The following ITK variants were observed in gnomAD, a reference collection of about 807,000 sequenced individuals.
ITK encodes tyrosine-protein kinase ITK/TSK.
A neutral mutation model predicts 87.6 loss-of-function variants in ITK; 45 were observed. That is an observed-to-expected ratio of 0.51 (90% CI 0.40 to 0.66). ITK has a LOEUF of 0.66. Ranked by LOEUF, ITK falls within the 30% of genes least tolerant of loss-of-function variation. ITK has a pLI of 0.00. For missense variants in ITK, 605 were observed against 766.3 expected, an observed-to-expected ratio of 0.79 and a Z score of 2.48; for synonymous variants, 303 against 273.6, an observed-to-expected ratio of 1.11 and a Z score of -1.06.
chr5:157,182,451 C>T (rs144177396), intron 1 of ITK, among the ~76,000 whole-genome samples: 59 of 152,228 alleles, frequency 3.9e-4, no homozygotes, highest in African/African-American at 1.4e-3. Context: ...AAAAAAGTTG[C>T]AGGCGAAATA....
At chr5:157,197,209 A>G (rs967371146) in intron 1 of ITK, among the ~76,000 whole-genome samples, 3 of 152,230 alleles carry the variant, frequency 2.0e-5, no homozygotes, top group Non-Finnish European at 4.4e-5. Flanking sequence ...CAAGAAGAAC[A>G]TGAGAGAGAC....
chr5:157,194,274 T>C (rs1203512980), intron 1 of ITK, among the ~76,000 whole-genome samples: 1 of 152,180 alleles, frequency 6.6e-6, no homozygotes, highest in Non-Finnish European at 1.5e-5. Flanking sequence ...TTGCAGAGTG[T>C]GTTTCCATTC....
At chr5:157,225,138 G>A (rs141794195) in intron 6 of ITK, among the ~76,000 whole-genome samples, 76 of 152,098 alleles carry the variant, frequency 5.0e-4, no homozygotes, top group African/African-American at 1.8e-3. Context: ...GAGACTATAG[G>A]CACGCACCAC....
intron 1 of ITK, among the ~76,000 whole-genome samples, chr5:157,204,549 A>T (rs1324248243): frequency 6.6e-6 from 1 of 152,124 alleles, no homozygotes; most frequent in African/African-American, 2.4e-5. Flanking sequence ...AATACAAAAA[A>T]TTAGCTGGGC....
intron 8 of ITK, among the ~76,000 whole-genome samples, chr5:157,234,371 T>A (rs920447400): frequency 6.6e-6 from 1 of 152,224 alleles, no homozygotes; most frequent in Non-Finnish European, 1.5e-5. Context: ...CCTGTCAGAC[T>A]CAGCCCAGAT....
chr5:157,180,968 G>A lies in ITK; in HGVS notation c.-10G>A, dbSNP rs771193249. Reference sequence around the variant, plus strand: ...ATGCCCAAGGTGCACCACCTTTCAAGAACTGGATCATGAACAACTTTATCC... The same window carrying A: ...ATGCCCAAGGTGCACCACCTTTCAAAAACTGGATCATGAACAACTTTATCC... On this transcript the variant is annotated 5_prime_UTR_variant, in exon 1 of 17. Transcript: ENST00000422843. The A allele has an allele frequency of 2.5e-6, 4 of 1,613,726 alleles. No homozygotes were observed. In the Admixed American group the frequency reaches 5.0e-5, roughly 20 times the overall value.
rs1315269903 is a variant in ITK at position 157,252,828 on chromosome 5, A to T, written c.*150A>T. The T allele has an allele frequency of 4.3e-6, 3 of 702,554 alleles. No homozygotes were observed. In the Admixed American group the frequency reaches 6.1e-5, roughly 14 times the overall value. 43.5% of individuals were successfully genotyped at this position (702,554 alleles called of 1,614,324 possible). ...TCAGTCCCTGAGTCACCATGGAAGC[A>T]GCATCCTGACCACAGCTGGCAGTCA... On this transcript the variant is annotated 3_prime_UTR_variant, in exon 17 of 17. Transcript: ENST00000422843.
chr5:157,186,937 T>C (rs1415257900), intron 1 of ITK, among the ~76,000 whole-genome samples: 1 of 152,218 alleles, frequency 6.6e-6, no homozygotes, highest in East Asian at 1.9e-4. Context: ...TCATCAGACG[T>C]TGATGTGTCC....
intron 7 of ITK, among the ~76,000 whole-genome samples, chr5:157,230,936 A>G (rs1006648157): frequency 3.3e-5 from 5 of 152,258 alleles, no homozygotes; most frequent in African/African-American, 9.6e-5. Flanking sequence ...CATTCTCCAG[A>G]TTATGAATCT....
chr5:157,195,423 A>G (rs528771211), intron 1 of ITK: 33 of 152,342 alleles, frequency 2.2e-4, no homozygotes, highest in African/African-American at 7.2e-4. Flanking sequence ...CGATCTTGTG[A>G]AAAATGCAGA....
intron 4 of ITK, among the ~76,000 whole-genome samples, chr5:157,216,421 A>G (rs1017549637): frequency 6.6e-6 from 1 of 152,162 alleles, no homozygotes. Flanking sequence ...AGCTGCCAAC[A>G]TTTACAGAGT....
intron 15 of ITK, 148 bp from the exon 16 acceptor site, chr5:157,248,702 C>T: frequency 1.2e-6 from 1 of 860,438 alleles, no homozygotes; most frequent in African/African-American, 1.7e-5. Flanking sequence ...ATAGGACAGG[C>T]CTAATAAGCC....
At chr5:157,226,412 G>T (rs1754532280) in intron 6 of ITK, among the ~76,000 whole-genome samples, 2 of 152,198 alleles carry the variant, frequency 1.3e-5, no homozygotes, top group African/African-American at 4.8e-5. Flanking sequence ...AATTGTAAAA[G>T]TATAGTATGG....
intron 7 of ITK, 89 bp downstream of exon 7, chr5:157,228,450 C>T: frequency 1.3e-6 from 1 of 786,448 alleles, no homozygotes; most frequent in South Asian, 1.4e-5. Context: ...GTAAAAATAC[C>T]AGATGATCCC....
chr5:157,193,145 C>G (rs1173960777), intron 1 of ITK, among the ~76,000 whole-genome samples: 2 of 152,162 alleles, frequency 1.3e-5, no homozygotes. Flanking sequence ...TGCTTAAGCC[C>G]AGGAGTTTAA....
intron 1 of ITK, among the ~76,000 whole-genome samples, chr5:157,200,300 G>A (rs1044848692): frequency 2.0e-5 from 3 of 152,166 alleles, no homozygotes; most frequent in African/African-American, 7.2e-5. Flanking sequence ...AGAGACAAGG[G>A]TAAGCAAGGT....
chr5:157,225,846 A>G (rs1403572991), intron 6 of ITK, among the ~76,000 whole-genome samples: 1 of 152,232 alleles, frequency 6.6e-6, no homozygotes, highest in Non-Finnish European at 1.5e-5. Context: ...TCATTAGTTC[A>G]ATCAACTGAC....
intron 6 of ITK, among the ~76,000 whole-genome samples, chr5:157,226,942 C>T (rs1209533060): frequency 1.3e-5 from 2 of 152,138 alleles, no homozygotes; most frequent in Non-Finnish European, 2.9e-5. Flanking sequence ...GCCTCAATCT[C>T]CCAAGTAGCT....
intron 2 of ITK, among the ~76,000 whole-genome samples, chr5:157,210,352 T>C (rs962770538): frequency 2.0e-5 from 3 of 151,998 alleles, no homozygotes; most frequent in Admixed American, 1.3e-4. Context: ...AGAAAAGAAC[T>C]TTTTTTCTAC....
Sources: gnomAD v4.1 joint callset for allele counts (sites outside exome capture counted in the v4.1 genomes callset) on GRCh38, gnomAD v4.1.1 for gene constraint, MANE v1.5 for transcripts, NCBI Gene and HGNC (gene_info 2026-07-23, HGNC 2026-07-21) for gene names.